The following PRKCE variants were observed in gnomAD, a reference collection of about 807,000 sequenced individuals.
PRKCE encodes protein kinase C epsilon type.
Under a neutral mutation model 85.4 loss-of-function variants are expected in PRKCE, and 16 were observed. The observed-to-expected ratio is 0.19, with a 90% CI of 0.13 to 0.28. PRKCE has a LOEUF of 0.28. Among genes scored for constraint, PRKCE ranks in the 10% least tolerant of loss-of-function variants. The pLI is 1.00. For missense variants in PRKCE, 573 were observed against 975.2 expected (o/e 0.59, Z 5.49); for synonymous variants, 388 against 371.5 (o/e 1.04, Z -0.51).
intron 11 of PRKCE, among the ~76,000 whole-genome samples, chr2:46,115,948 C>G (rs1024153879): frequency 6.6e-6 from 1 of 152,098 alleles, no homozygotes; most frequent in African/African-American, 2.4e-5. Flanking sequence ...CTGTGTCAAC[C>G]AAGGGCCTAA....
At chr2:45,918,445 C>T (rs1162986502) in intron 2 of PRKCE, among the ~76,000 whole-genome samples, 1 of 152,202 alleles carries the variant, frequency 6.6e-6, no homozygotes, top group Non-Finnish European at 1.5e-5. Context: ...ATCAACAATA[C>T]ATATTTAAGA....
chr2:46,033,442 A>G (rs6726772), intron 10 of PRKCE, among the ~76,000 whole-genome samples: 1,662 of 152,152 alleles, frequency 0.011, 29 homozygotes, highest in African/African-American at 0.038. Context: ...CTTAAACATT[A>G]GTGTTTTTGG....
chr2:45,928,739 C>A (rs1304687422), intron 2 of PRKCE, among the ~76,000 whole-genome samples: 4 of 152,198 alleles, frequency 2.6e-5, no homozygotes, highest in Admixed American at 1.3e-4. Flanking sequence ...AGTCCTTCTT[C>A]ATGCTTTTTC....
chr2:45,967,612 T>C (rs1300160798), intron 2 of PRKCE, among the ~76,000 whole-genome samples: 3 of 152,150 alleles, frequency 2.0e-5, no homozygotes, highest in African/African-American at 7.2e-5. Flanking sequence ...TCAAATAATA[T>C]TGTAATGTAG....
Position 46,001,272 on chromosome 2 carries a change from T to TATA in PRKCE, c.824-132_824-131insATA. The stretch of plus-strand genomic sequence containing the variant: ...GAAGACATATATATATATATATATA[T>TATA]TTCTGTATTTTCCAAATTATATCTT... On this transcript the variant is annotated intron_variant, in intron 6 of 14. Coordinates refer to ENST00000306156, the MANE Select transcript of PRKCE (RefSeq NM_005400.3). This position sits in a 1 kb window ranked among gnomAD's most constrained non-coding sequence, Gnocchi z 4.4. 4 of 596,484 alleles carry TATA rather than the reference T, an allele frequency of 6.7e-6. No individual in the cohort carries two copies. Among genetic ancestry groups the TATA allele is most frequent in the Non-Finnish European group, 9.3e-6 (4 of 431,074 alleles). 36.9% of individuals were successfully genotyped at this position (596,484 alleles called of 1,614,324 possible).
intron 2 of PRKCE, among the ~76,000 whole-genome samples, chr2:45,904,281 C>T (rs149020804): frequency 2.0e-5 from 3 of 152,110 alleles, no homozygotes; most frequent in South Asian, 4.2e-4. Context: ...AGAAAGAAGC[C>T]GGTTGCGTGC....
chr2:45,788,046 C>T (rs1202828141), intron 1 of PRKCE, among the ~76,000 whole-genome samples: 3 of 152,154 alleles, frequency 2.0e-5, no homozygotes, highest in Admixed American at 2.0e-4. Context: ...ATATTCTCCC[C>T]CATTTCAGGC....
At position 45,861,886 on chromosome 2, in the gene PRKCE, G is replaced by C. The variant is rs1269780014; in HGVS notation, c.412+18823G>C. 2.0e-5 allele frequency among the ~76,000 whole-genome samples: 3 copies of C among 152,132 alleles called. No individual in the cohort carries two copies. In the East Asian group the frequency reaches 5.8e-4, roughly 29 times the overall value. ...GTTTATTTTTATATATTAATGAAGA[G>C]AGGTTTTGAAAATAAATGGTTAAGT... On this transcript the variant is annotated intron_variant, in intron 2 of 14. Transcript: ENST00000306156.
chr2:45,942,315 A>G (rs72802827), intron 2 of PRKCE, among the ~76,000 whole-genome samples: 4,891 of 152,284 alleles, frequency 0.032, 113 homozygotes, highest in Non-Finnish European at 0.051. Context: ...AAATGCCTCA[A>G]AGTTTACATG....
At chr2:45,828,614 T>C (rs1202467682) in intron 1 of PRKCE, among the ~76,000 whole-genome samples, 1 of 152,228 alleles carries the variant, frequency 6.6e-6, no homozygotes, top group African/African-American at 2.4e-5. Flanking sequence ...CTTAAAGAAC[T>C]GAAAATCAGG....
intron 10 of PRKCE, among the ~76,000 whole-genome samples, chr2:46,012,437 C>T (rs570817632): frequency 1.3e-5 from 2 of 152,154 alleles, no homozygotes; most frequent in South Asian, 4.2e-4. Flanking sequence ...TCAGGGACTC[C>T]CAAGGTAGTG....
chr2:45,772,837 C>G (rs1685448521), intron 1 of PRKCE, among the ~76,000 whole-genome samples: 1 of 152,110 alleles, frequency 6.6e-6, no homozygotes, highest in Non-Finnish European at 1.5e-5. Flanking sequence ...CCATTCTTAG[C>G]ATGGAAAGGC....
At chr2:46,025,322 C>T (rs1052143403) in intron 10 of PRKCE, among the ~76,000 whole-genome samples, 2 of 152,148 alleles carry the variant, frequency 1.3e-5, no homozygotes, top group Non-Finnish European at 2.9e-5. Flanking sequence ...CAGCCAGGGA[C>T]GAAGTGTTCT....
intron 14 of PRKCE, among the ~76,000 whole-genome samples, chr2:46,164,328 C>G (rs1678105315): frequency 6.6e-6 from 1 of 152,158 alleles, no homozygotes; most frequent in Non-Finnish European, 1.5e-5. Context: ...ATGGTGGCCT[C>G]AAGGAGACAT....
rs115356692 is a variant in PRKCE at position 46,074,362 on chromosome 2, G to A, written c.1438-11846G>A. Among the ~76,000 whole-genome samples, 388 of 149,540 alleles carry A rather than the reference G, an allele frequency of 2.6e-3. 4 individuals are homozygous for A. The highest frequency in any genetic ancestry group is 9.1e-3 in the African/African-American group (367 of 40,540). On this transcript the variant is annotated intron_variant, in intron 10 of 14. Transcript: ENST00000306156. ...CGATGTGGGCATGTTCTAATCCCCT[G>A]GTTAGTCAGCGAGATTTCTTTCTAA...
intron 13 of PRKCE, among the ~76,000 whole-genome samples, chr2:46,157,784 A>T (rs1455471841): frequency 6.6e-6 from 1 of 152,238 alleles, no homozygotes; most frequent in African/African-American, 2.4e-5. Flanking sequence ...TGAGGAAGTG[A>T]GGAATCTACT....
At chr2:45,734,029 C>T (rs372458027) in intron 1 of PRKCE, among the ~76,000 whole-genome samples, 10 of 152,290 alleles carry the variant, frequency 6.6e-5, no homozygotes, top group African/African-American at 1.9e-4. Flanking sequence ...ATGTGGGCTG[C>T]GCAGTTGAGG....
Position 45,743,582 on chromosome 2 carries a change from T to C in PRKCE, c.348+91134T>C, listed in dbSNP as rs577521107. Among the ~76,000 whole-genome samples, 8 of 152,192 alleles carry C rather than the reference T, an allele frequency of 5.3e-5. No homozygotes were observed. The South Asian group carries it at 1.7e-3, about 32-fold the overall frequency. On this transcript the variant is annotated intron_variant, in intron 1 of 14. Coordinates refer to ENST00000306156, the MANE Select transcript of PRKCE (RefSeq NM_005400.3). ...TGATGTAGGAAGTTAGCTCATCCCT[T>C]CCCACTGAGCCAACTCTGGTTTATC... is the stretch of plus-strand genomic sequence containing the variant.
At chr2:45,800,163 A>T (rs947770662) in intron 1 of PRKCE, among the ~76,000 whole-genome samples, 5 of 152,320 alleles carry the variant, frequency 3.3e-5, no homozygotes, top group Non-Finnish European at 4.4e-5. Flanking sequence ...TGGATACTTG[A>T]TAGTGTGTTA....
Sources: gnomAD v4.1 joint callset for allele counts (sites outside exome capture counted in the v4.1 genomes callset) on GRCh38, gnomAD v4.1.1 for gene constraint, Gnocchi (gnomAD v3.1) non-coding constraint, MANE v1.5 for transcripts, NCBI Gene and HGNC (gene_info 2026-07-23, HGNC 2026-07-21) for gene names.